FAM13A: variants seen among roughly 807,000 people sequenced by gnomAD.
FAM13A encodes the protein family with sequence similarity 13 member A, also known as protein FAM13A.
FAM13A carries 76 observed loss-of-function variants against 129.6 expected under a neutral mutation model. That is an observed-to-expected ratio of 0.59 (90% CI 0.49 to 0.71). The LOEUF is 0.71. FAM13A is among the 30% of genes least tolerant of loss of function. The pLI is 0.00. For missense variants in FAM13A, 1,108 were observed against 1,249.3 expected (o/e 0.89, Z 1.70); for synonymous variants, 443 against 449.9 (o/e 0.98, Z 0.20).
chr4:89,029,516 G>C lies in FAM13A; in HGVS notation c.161C>G (p.Thr54Ser). The C allele has an allele frequency of 6.3e-7, 1 of 1,593,196 alleles. No homozygotes were observed. ...SLQELERQGL[T>S]ENGIPAVVWN... ...CACTACTGCTGGAATGCCATTCTCG[G>C]TGAGCCCCTGCCGTTCAAGTTCTTG... The change falls in exon 2 of 24, where the codon ACC becomes AGC. Residue 54 changes from threonine to serine, a missense_variant. This residue lies in a region of FAM13A where 566 missense variants were observed against 595.7 expected (regional missense o/e 0.95). Transcript: ENST00000264344.
chr4:88,880,512 A>G (rs1743342826), intron 6 of FAM13A, among the ~76,000 whole-genome samples: 1 of 152,018 alleles, frequency 6.6e-6, no homozygotes, highest in Non-Finnish European at 1.5e-5. Flanking sequence ...GGAACTGGGA[A>G]AAAAAACCAC....
intron 11 of FAM13A, among the ~76,000 whole-genome samples, chr4:88,769,356 T>A (rs1208184275): frequency 1.3e-5 from 2 of 152,178 alleles, no homozygotes; most frequent in Non-Finnish European, 2.9e-5. Flanking sequence ...CAAAGGGAGA[T>A]AATATAACAT....
At chr4:88,767,409 A>T in intron 13 of FAM13A, 144 bp downstream of exon 13, 1 of 467,582 alleles carries the variant, frequency 2.1e-6, no homozygotes, top group Non-Finnish European at 3.7e-6. Context: ...AGGAATCTTT[A>T]AGTTTGGTAT....
At chr4:88,879,582 G>T (rs2150118426) in intron 6 of FAM13A, among the ~76,000 whole-genome samples, 1 of 152,274 alleles carries the variant, frequency 6.6e-6, no homozygotes, top group African/African-American at 2.4e-5. Context: ...TCCTAGGGTT[G>T]TACTCACTGT....
chr4:88,926,151 C>A (rs1307493305), intron 5 of FAM13A, among the ~76,000 whole-genome samples: 1 of 151,964 alleles, frequency 6.6e-6, no homozygotes, highest in Non-Finnish European at 1.5e-5. Flanking sequence ...ATACACACCC[C>A]AGAATAATTC....
chr4:89,018,838 T>C (rs566806331), intron 3 of FAM13A, among the ~76,000 whole-genome samples: 4 of 152,352 alleles, frequency 2.6e-5, no homozygotes, highest in African/African-American at 4.8e-5. Context: ...AGTCTGGCTA[T>C]GGGTGCCCTG....
At chr4:89,029,124 A>C (rs1768367478) in intron 2 of FAM13A, among the ~76,000 whole-genome samples, 1 of 152,224 alleles carries the variant, frequency 6.6e-6, no homozygotes, top group Non-Finnish European at 1.5e-5. Flanking sequence ...ATTACATTAA[A>C]AATTATTGAC....
chr4:88,940,976 A>G (rs2148824680), intron 4 of FAM13A, among the ~76,000 whole-genome samples: 1 of 152,326 alleles, frequency 6.6e-6, no homozygotes, highest in Non-Finnish European at 1.5e-5. Flanking sequence ...TGGCACCCCC[A>G]AATTCTATTG....
At chr4:88,946,210 GGTAAAGT>G (rs1476649645) in intron 4 of FAM13A, among the ~76,000 whole-genome samples, 1 of 150,862 alleles carries the variant, frequency 6.6e-6, no homozygotes, top group African/African-American at 2.4e-5. Context: ...TAGCCAATCA[GGTAAAGT>G]GTAAAATGCG....
intron 5 of FAM13A, among the ~76,000 whole-genome samples, chr4:88,920,626 C>T (rs7673427): frequency 0.18 from 28,056 of 152,076 alleles, 2,752 homozygotes; most frequent in African/African-American, 0.2. Context: ...AAACCGGAAA[C>T]TCTAAAAAGC....
At chr4:88,746,564 AT>A (rs1437344624) in intron 19 of FAM13A, among the ~76,000 whole-genome samples, 1 of 152,172 alleles carries the variant, frequency 6.6e-6, no homozygotes, top group Non-Finnish European at 1.5e-5. Flanking sequence ...GTGACAGCTT[AT>A]TGGGGGAGAC....
intron 3 of FAM13A, among the ~76,000 whole-genome samples, chr4:89,011,688 C>A (rs1765756557): frequency 6.6e-6 from 1 of 152,156 alleles, no homozygotes; most frequent in Admixed American, 6.5e-5. Flanking sequence ...TGTCAGATAA[C>A]TCTGTCTTAC....
At chr4:89,014,452 A>C (rs968928100) in intron 3 of FAM13A, among the ~76,000 whole-genome samples, 2 of 152,212 alleles carry the variant, frequency 1.3e-5, no homozygotes, top group African/African-American at 4.8e-5. Flanking sequence ...TGGGTCTTCA[A>C]TTAGAAGTTT....
rs1337448595 is a variant in FAM13A, at chr4:88,737,523, C to T, written c.2595G>A (p.Leu865=). 6.2e-7 allele frequency: 1 copy of T among 1,613,998 alleles called. No individual in the cohort carries two copies. Among genetic ancestry groups the T allele is most frequent in the African/African-American group, 1.3e-5 (1 of 74,930 alleles). ...TTTCGCCCTCGATAATTGGCTGCAG[C>T]AAAGGGCTTCTCCGCTTGCTGGAGG... ...GSPSSKRRSP[L]LQPIIEGETA... Residue 865 remains leucine, a synonymous_variant, in exon 21 of 24, where the codon TTG becomes TTA. Transcript: ENST00000264344.
chr4:88,798,031 C>G (rs755961867), intron 8 of FAM13A, among the ~76,000 whole-genome samples: 2 of 152,166 alleles, frequency 1.3e-5, no homozygotes, highest in Non-Finnish European at 2.9e-5. Context: ...CTAGGCAGAA[C>G]CAGTTCCAAC....
At chr4:89,005,570 T>C (rs1383545444) in intron 3 of FAM13A, among the ~76,000 whole-genome samples, 2 of 152,172 alleles carry the variant, frequency 1.3e-5, no homozygotes, top group African/African-American at 4.8e-5. Context: ...TACAACCTCA[T>C]CAGCATCTGT....
At chr4:89,013,267 A>T (rs1308828241) in intron 3 of FAM13A, among the ~76,000 whole-genome samples, 6 of 130,034 alleles carry the variant, frequency 4.6e-5, no homozygotes, top group African/African-American at 1.3e-4. Flanking sequence ...GAGACAATAA[A>T]ATATATATAT....
At chr4:89,006,146 A>G (rs1488497197) in intron 3 of FAM13A, among the ~76,000 whole-genome samples, 1 of 152,198 alleles carries the variant, frequency 6.6e-6, no homozygotes, top group Non-Finnish European at 1.5e-5. Context: ...CTATCCCAGC[A>G]TCATTTATTG....
intron 5 of FAM13A, among the ~76,000 whole-genome samples, chr4:88,913,926 C>A (rs542976290): frequency 1.3e-4 from 20 of 151,974 alleles, no homozygotes; most frequent in African/African-American, 3.4e-4. Context: ...CAAAAAAATT[C>A]TGTCAGTCTG....
Sources: allele counts gnomAD v4.1 joint callset (sites outside exome capture counted in the v4.1 genomes callset), GRCh38; gene constraint gnomAD v4.1.1; regional missense constraint gnomAD v4.1.1; transcripts MANE v1.5; gene names NCBI Gene and HGNC (gene_info 2026-07-23, HGNC 2026-07-21).